BMPR1B: variants seen among roughly 807,000 people sequenced by gnomAD.
BMPR1B encodes the protein bone morphogenetic protein receptor type 1B.
In BMPR1B, 12 loss-of-function variants were observed where a neutral mutation model predicts 59.1. The observed-to-expected ratio is 0.20, with a 90% CI of 0.13 to 0.33. The LOEUF is 0.33. Among genes scored for constraint, BMPR1B ranks in the 10% least tolerant of loss-of-function variants. The pLI, the probability that BMPR1B is intolerant of heterozygous loss-of-function variation, is 1.00. For synonymous variants in BMPR1B, 237 were observed against 207.3 expected, an observed-to-expected ratio of 1.14 and a Z score of -1.23; for missense variants, 550 against 610.9, an observed-to-expected ratio of 0.90 and a Z score of 1.05.
chr4:95,101,806 A>T (rs28529331), intron 3 of BMPR1B, among the ~76,000 whole-genome samples: 2,507 of 152,294 alleles, frequency 0.016, 34 homozygotes, highest in Middle Eastern at 0.068. Flanking sequence ...AGATTGTCAT[A>T]TGCAGAATCC....
intron 3 of BMPR1B, among the ~76,000 whole-genome samples, chr4:95,086,269 A>G (rs1729568868): frequency 6.6e-6 from 1 of 152,166 alleles, no homozygotes; most frequent in Admixed American, 6.5e-5. Flanking sequence ...TGTGTTTAAT[A>G]GAGGTTTTGA....
intron 3 of BMPR1B, among the ~76,000 whole-genome samples, chr4:95,084,457 T>G (rs947353367): frequency 6.6e-6 from 1 of 152,150 alleles, no homozygotes; most frequent in African/African-American, 2.4e-5. Flanking sequence ...CTCTATAATC[T>G]TAGGCAATGG....
Position 95,063,760 on chromosome 4 carries a change from A to G in BMPR1B, c.-17-40648A>G, listed in dbSNP as rs368834782. On this transcript the variant is annotated intron_variant, in intron 3 of 12. Transcript: ENST00000515059. ...TCTTGAAAAACATGCTGTATGACAT[A>G]TAACTGGAAAGTATCTATTATTAAT... 9.5e-4 allele frequency among the ~76,000 whole-genome samples: 144 copies of G among 152,320 alleles called. 3 individuals are homozygous for G. The South Asian group carries it at 0.029, about 31-fold the overall frequency.
intron 4 of BMPR1B, among the ~76,000 whole-genome samples, chr4:95,114,108 A>G (rs1475816640): frequency 6.6e-6 from 1 of 152,134 alleles, no homozygotes; most frequent in Non-Finnish European, 1.5e-5. Context: ...CCAGAAGCAG[A>G]GGTACTAAAT....
intron 1 of BMPR1B, among the ~76,000 whole-genome samples, chr4:94,798,032 C>T (rs1433969020): frequency 3.3e-5 from 5 of 152,072 alleles, no homozygotes; most frequent in Admixed American, 6.6e-5. Context: ...TAAGATCTAC[C>T]ATTGTGTTTA....
chr4:95,056,652 A>C (rs1020438702), intron 3 of BMPR1B, among the ~76,000 whole-genome samples: 1 of 152,158 alleles, frequency 6.6e-6, no homozygotes, highest in African/African-American at 2.4e-5. Context: ...AAAATTCTTT[A>C]ATGGACGCTC....
At chr4:94,853,295 A>C (rs1294142848) in intron 1 of BMPR1B, among the ~76,000 whole-genome samples, 1 of 152,178 alleles carries the variant, frequency 6.6e-6, no homozygotes, top group Non-Finnish European at 1.5e-5. Flanking sequence ...TGTGATTGCT[A>C]CCTCTAGAGA....
intron 8 of BMPR1B, among the ~76,000 whole-genome samples, chr4:95,125,777 A>G (rs963949548): frequency 3.5e-4 from 53 of 152,002 alleles, no homozygotes; most frequent in African/African-American, 1.3e-3. Flanking sequence ...ATTACTGTGG[A>G]GTTCTTTCTC....
At chr4:94,959,662 T>G (rs570689646) in intron 2 of BMPR1B, among the ~76,000 whole-genome samples, 46 of 152,252 alleles carry the variant, frequency 3.0e-4, no homozygotes, top group Non-Finnish European at 5.9e-5. Context: ...AAATATGTAG[T>G]TGGGTTCCAT....
chr4:94,864,791 A>C (rs903876633), intron 1 of BMPR1B, among the ~76,000 whole-genome samples: 3 of 152,182 alleles, frequency 2.0e-5, no homozygotes, highest in Non-Finnish European at 4.4e-5. Flanking sequence ...AAGTCTGTAC[A>C]TGTTCAGCGC....
At chr4:95,063,670 G>A (rs1259901304) in intron 3 of BMPR1B, among the ~76,000 whole-genome samples, 1 of 152,044 alleles carries the variant, frequency 6.6e-6, no homozygotes, top group Non-Finnish European at 1.5e-5. Flanking sequence ...TTTAGAATTT[G>A]TTAACAGTAA....
chr4:94,993,357 A>G (rs1039972293), intron 2 of BMPR1B, among the ~76,000 whole-genome samples: 1 of 152,208 alleles, frequency 6.6e-6, no homozygotes, highest in Non-Finnish European at 1.5e-5. Context: ...TTACCTTACA[A>G]GAGAAAAGCA....
At chr4:94,902,046 G>GGTGTGTGT (rs34068392) in intron 2 of BMPR1B, among the ~76,000 whole-genome samples, 4,191 of 119,126 alleles carry the variant, frequency 0.035, 86 homozygotes, top group Middle Eastern at 0.049. Context: ...CAGACTGCAT[G>GGTGTGTGT]GTGTGTGTGT....
chr4:95,133,152 T>C (rs1033126241), intron 10 of BMPR1B, among the ~76,000 whole-genome samples: 11 of 152,202 alleles, frequency 7.2e-5, no homozygotes, highest in African/African-American at 2.7e-4. Context: ...ATATTCCCAT[T>C]TGTACTGGGC....
chr4:95,115,562 T>C, intron 5 of BMPR1B, 123 bp from the exon 6 acceptor site: 1 of 824,894 alleles, frequency 1.2e-6, no homozygotes. Context: ...ATTTAAGGTG[T>C]TTGAGTGAAA....
At chr4:94,967,489 C>T (rs1203409548) in intron 2 of BMPR1B, among the ~76,000 whole-genome samples, 1 of 151,396 alleles carries the variant, frequency 6.6e-6, no homozygotes, top group Non-Finnish European at 1.5e-5. Flanking sequence ...CTCTTTCTTT[C>T]TTTTTTTTCT....
At position 94,982,110 on chromosome 4, in the gene BMPR1B, C is replaced by T. The variant is rs559628955; in HGVS notation, c.-112-13930C>T. On this transcript the variant is annotated intron_variant, in intron 2 of 12. Coordinates refer to ENST00000515059, the MANE Select transcript of BMPR1B (RefSeq NM_001203.3). ...TTATAAGCAAATGTATTCCAGAATG[C>T]ACAGGGAGAATACATAAAAAACAAT... 3.5e-4 allele frequency among the ~76,000 whole-genome samples: 53 copies of T among 152,170 alleles called. 4 individuals are homozygous for T. In the South Asian group the frequency reaches 0.011, roughly 31 times the overall value.
rs1735554355 is a variant in BMPR1B, at chr4:95,158,313, C to T, written c.*3640C>T. The T allele has an allele frequency of 6.6e-6, 1 of 152,070 alleles. No homozygotes were observed. The highest frequency in any genetic ancestry group is 6.5e-5 in the Admixed American group (1 of 15,270). The allele number at this position is 152,070 out of a possible 1,614,324, so 9.4% of individuals were successfully genotyped here. A position where few individuals can be genotyped will look rare whatever the true frequency, so the allele number is the denominator to read the frequency against. On this transcript the variant is annotated 3_prime_UTR_variant, in exon 13 of 13. Coordinates refer to ENST00000515059, the MANE Select transcript of BMPR1B (RefSeq NM_001203.3). ...TTTGTTCTTTTGGGGGAACCAGTGC[C>T]TTACAGATTTTGTATATACTGTAAT...
chr4:95,120,771 T>C (rs1732459441), intron 6 of BMPR1B, among the ~76,000 whole-genome samples: 1 of 146,164 alleles, frequency 6.8e-6, no homozygotes, highest in South Asian at 2.3e-4. Context: ...CTCCCTCCCT[T>C]CCTCCCTTCC....
Sources: allele counts gnomAD v4.1 joint callset (sites outside exome capture counted in the v4.1 genomes callset), GRCh38; gene constraint gnomAD v4.1.1; transcripts MANE v1.5; gene names NCBI Gene and HGNC (gene_info 2026-07-23, HGNC 2026-07-21).